PHF21A: variants seen among roughly 807,000 people sequenced by gnomAD.
PHF21A encodes PHD finger protein 21A, also known as BHC80a.
A neutral mutation model predicts 82.5 loss-of-function variants in PHF21A; 11 were observed. That is an observed-to-expected ratio of 0.13 (90% CI 0.08 to 0.22). The LOEUF is 0.22. Ranked by LOEUF, PHF21A falls within the 10% of genes least tolerant of loss-of-function variation. PHF21A has a pLI of 1.00. For missense variants in PHF21A, 579 were observed against 837.8 expected, an observed-to-expected ratio of 0.69 and a Z score of 3.81; for synonymous variants, 297 against 302.8, an observed-to-expected ratio of 0.98 and a Z score of 0.20.
intron 5 of PHF21A, among the ~76,000 whole-genome samples, chr11:46,078,128 A>C (rs1164777932): frequency 6.6e-6 from 1 of 152,180 alleles, no homozygotes; most frequent in East Asian, 1.9e-4. Flanking sequence ...AAAAAAAAGA[A>C]GAAAAAAAAG....
At chr11:45,987,515 G>C (rs2094535104) in intron 6 of PHF21A, among the ~76,000 whole-genome samples, 1 of 151,326 alleles carries the variant, frequency 6.6e-6, no homozygotes, top group Non-Finnish European at 1.5e-5. Context: ...CAAAAAATTA[G>C]CTGGGCATAG....
At chr11:45,985,797 C>A (rs2094470577) in intron 6 of PHF21A, among the ~76,000 whole-genome samples, 1 of 152,134 alleles carries the variant, frequency 6.6e-6, no homozygotes, top group Admixed American at 6.5e-5. Context: ...TCATCTTACA[C>A]AGTGAACTGG....
At chr11:45,980,799 A>G (rs1321845049) in intron 6 of PHF21A, among the ~76,000 whole-genome samples, 1 of 152,254 alleles carries the variant, frequency 6.6e-6, no homozygotes, top group Non-Finnish European at 1.5e-5. Context: ...CCTTGATCCC[A>G]GTAATATGCC....
chr11:46,076,857 TCA>T, intron 5 of PHF21A, 38 bp from the exon 6 acceptor site: 2 of 1,515,596 alleles, frequency 1.3e-6, no homozygotes, highest in South Asian at 1.1e-5. Flanking sequence ...GAAAGATATT[TCA>T]TTTGTTAACA....
intron 1 of PHF21A, among the ~76,000 whole-genome samples, chr11:46,107,523 C>CT (rs376463209): frequency 6.6e-6 from 1 of 152,208 alleles, no homozygotes; most frequent in African/African-American, 2.4e-5. Flanking sequence ...CTGCTACATT[C>CT]TACCAGGTCC....
chr11:46,110,458 CCTT>C (rs1186848634), intron 1 of PHF21A, among the ~76,000 whole-genome samples: 1 of 152,206 alleles, frequency 6.6e-6, no homozygotes, highest in Non-Finnish European at 1.5e-5. Context: ...GTTTTACTCT[CCTT>C]ATTTCCTCTC....
At chr11:46,117,888 A>T (rs908426196) in intron 1 of PHF21A, 1 of 152,170 alleles carries the variant, frequency 6.6e-6, no homozygotes, top group Non-Finnish European at 1.5e-5. Context: ...AGTAGCAAAC[A>T]TTATTTATGA....
intron 6 of PHF21A, among the ~76,000 whole-genome samples, chr11:45,986,033 G>A (rs1005604281): frequency 5.7e-5 from 8 of 140,566 alleles, no homozygotes; most frequent in South Asian, 2.2e-4. Flanking sequence ...ATTAGACTTC[G>A]GCTTACTTTT....
rs1045109009 is a variant in PHF21A at position 45,933,672 on chromosome 11, A to G, written c.*296T>C. On this transcript the variant is annotated 3_prime_UTR_variant, in exon 19 of 19. Transcript: ENST00000676320. ...GCTGTGGAGGCTGCTGCAGGCACAC[A>G]CTGGTGTATAATAGAGAGAGTAAAT... The G allele has an allele frequency of 1.2e-5, 3 of 258,064 alleles. No individual in the cohort carries two copies. The highest frequency in any genetic ancestry group is 1.1e-3 in the Middle Eastern group (1 of 918). The allele number at this position is 258,064 out of a possible 1,614,324, so 16.0% of individuals were successfully genotyped here.
chr11:45,963,226 C>A (rs908965210), intron 10 of PHF21A, among the ~76,000 whole-genome samples: 1 of 151,758 alleles, frequency 6.6e-6, no homozygotes, highest in Non-Finnish European at 1.5e-5. Context: ...CTGAGACCAG[C>A]CTGGCCAACA....
At chr11:46,091,881 C>T (rs962547489) in intron 2 of PHF21A, among the ~76,000 whole-genome samples, 1 of 152,124 alleles carries the variant, frequency 6.6e-6, no homozygotes, top group African/African-American at 2.4e-5. Context: ...AATTTCTTGA[C>T]GTTTGAATTC....
At chr11:45,946,860 A>G (rs2091374949) in intron 14 of PHF21A, among the ~76,000 whole-genome samples, 2 of 152,190 alleles carry the variant, frequency 1.3e-5, no homozygotes, top group African/African-American at 2.4e-5. Flanking sequence ...GCAAAATTCA[A>G]GTTAACTATT....
At chr11:46,099,836 TTCTC>T (rs979229040) in intron 1 of PHF21A, among the ~76,000 whole-genome samples, 3 of 152,178 alleles carry the variant, frequency 2.0e-5, no homozygotes, top group African/African-American at 7.2e-5. Context: ...TTAGAATCTC[TTCTC>T]TCTGACTATA....
intron 6 of PHF21A, among the ~76,000 whole-genome samples, chr11:46,069,577 G>A (rs2096632925): frequency 6.6e-6 from 1 of 152,120 alleles, no homozygotes; most frequent in African/African-American, 2.4e-5. Flanking sequence ...TGACTCCAAG[G>A]TAATGAAGCC....
At chr11:46,058,810 G>A (rs2096494365) in intron 6 of PHF21A, among the ~76,000 whole-genome samples, 1 of 152,172 alleles carries the variant, frequency 6.6e-6, no homozygotes, top group African/African-American at 2.4e-5. Context: ...CAAGCCAGTG[G>A]GTCTGGGACA....
chr11:46,046,834 G>C (rs2096266178), intron 6 of PHF21A, among the ~76,000 whole-genome samples: 2 of 152,126 alleles, frequency 1.3e-5, no homozygotes, highest in Admixed American at 1.3e-4. Context: ...TCCAAACACT[G>C]ATCAAGGATT....
intron 14 of PHF21A, chr11:45,946,206 CTCAAGAG>C: frequency 8.6e-7 from 1 of 1,161,542 alleles, no homozygotes. Context: ...CTATATGACT[CTCAAGAG>C]AAGGGAGGAT....
At chr11:46,113,525 C>G (rs1201424621) in intron 1 of PHF21A, among the ~76,000 whole-genome samples, 1 of 152,044 alleles carries the variant, frequency 6.6e-6, no homozygotes, top group African/African-American at 2.4e-5. Context: ...CTAATCCTCC[C>G]CCACAAAAAG....
intron 10 of PHF21A, among the ~76,000 whole-genome samples, chr11:45,959,093 AG>A (rs545140584): frequency 9.8e-4 from 149 of 152,328 alleles, no homozygotes; most frequent in Middle Eastern, 3.4e-3. Context: ...CAAGAGTGGA[AG>A]GGTGGTTCAA....
Sources: allele counts gnomAD v4.1 joint callset (sites outside exome capture counted in the v4.1 genomes callset), GRCh38; gene constraint gnomAD v4.1.1; transcripts MANE v1.5; gene names NCBI Gene and HGNC (gene_info 2026-07-23, HGNC 2026-07-21).